Variants in DNAH3 observed in about 807,000 individuals in gnomAD.
DNAH3 encodes dynein axonemal heavy chain 3, also known as axonemal beta dynein heavy chain 3.
Under a neutral mutation model 432.5 loss-of-function variants are expected in DNAH3, and 332 were observed. The observed-to-expected ratio is 0.77, with a 90% CI of 0.70 to 0.84. DNAH3 has a LOEUF of 0.84. DNAH3 is among the 40% of genes least tolerant of loss of function. The pLI is 0.00. For synonymous variants in DNAH3, 1,956 were observed against 1,900.2 expected (o/e 1.03, Z -0.76); for missense variants, 4,861 against 5,114.0 (o/e 0.95, Z 1.51).
At chr16:21,005,448 C>A (rs1418731172) in intron 41 of DNAH3, among the ~76,000 whole-genome samples, 2 of 151,970 alleles carry the variant, frequency 1.3e-5, no homozygotes, top group South Asian at 2.1e-4. Flanking sequence ...GTGGTGCAAT[C>A]ACAATTCACT....
exon 53 of DNAH3, chr16:20,963,753 CAGG>C: frequency 6.2e-7 from 1 of 1,613,974 alleles, no homozygotes; most frequent in Non-Finnish European, 8.5e-7. Context: ...TGCCGATGGT[CAGG>C]AGGAGAGAGA....
At chr16:21,055,790 G>C (rs2090112173) in intron 27 of DNAH3, among the ~76,000 whole-genome samples, 1 of 143,492 alleles carries the variant, frequency 7.0e-6, no homozygotes, top group South Asian at 2.2e-4. Flanking sequence ...CTGTCACCTA[G>C]GCAGGAGTGC....
chr16:21,070,930 G>A, intron 21 of DNAH3, 104 bp from the exon 22 acceptor site: 2 of 721,940 alleles, frequency 2.8e-6, no homozygotes, highest in Non-Finnish European at 4.8e-6. Flanking sequence ...CCTCACCCAG[G>A]CCTGAGTGCA....
At chr16:20,984,029 G>GAAAAAAAAAAAAAAA (rs61475224) in intron 48 of DNAH3, among the ~76,000 whole-genome samples, 144 of 112,096 alleles carry the variant, frequency 1.3e-3, no homozygotes, top group African/African-American at 4.9e-3. Flanking sequence ...CCTATATCCA[G>GAAAAAAAAAAAAAAA]AAAAAAAAAA....
chr16:21,086,812 C>A (rs1269165315), intron 19 of DNAH3, 37 bp downstream of exon 19: 1 of 1,584,848 alleles, frequency 6.3e-7, no homozygotes, highest in East Asian at 2.2e-5. Flanking sequence ...CAGGCCTGGG[C>A]TGCGCTGCTT....
At chr16:20,986,320 C>T (rs1271395005) in intron 47 of DNAH3, among the ~76,000 whole-genome samples, 1 of 151,778 alleles carries the variant, frequency 6.6e-6, no homozygotes, top group East Asian at 2.0e-4. Context: ...GCCTGGGCAA[C>T]ATAGTGAGAC....
At chr16:21,031,941 A>T (rs1442303225) in intron 36 of DNAH3, among the ~76,000 whole-genome samples, 1 of 152,078 alleles carries the variant, frequency 6.6e-6, no homozygotes, top group Admixed American at 6.6e-5. Context: ...AAGCTGAGGC[A>T]GGAGAAACAC....
chr16:21,097,577 A>G (rs1347680998), intron 17 of DNAH3, 78 bp from the exon 18 acceptor site: 1 of 1,563,394 alleles, frequency 6.4e-7, no homozygotes, highest in Non-Finnish European at 8.7e-7. Flanking sequence ...CAAATTCCTC[A>G]GTGCCTTGAA....
intron 2 of DNAH3, 33 bp from the exon 4 acceptor site, chr16:21,145,439 T>C (rs191062387): frequency 2.5e-4 from 396 of 1,568,828 alleles, no homozygotes; most frequent in Non-Finnish European, 3.1e-5. Context: ...TGAGACACAA[T>C]GAGGAACATC....
chr16:21,109,509 T>C (rs903761582), intron 14 of DNAH3, among the ~76,000 whole-genome samples: 1 of 152,210 alleles, frequency 6.6e-6, no homozygotes, highest in Non-Finnish European at 1.5e-5. Flanking sequence ...GTAAAACTTA[T>C]AGTACTATAA....
upstream of DNAH3, chr16:21,159,448 A>C: frequency 6.8e-6 from 11 of 1,612,902 alleles, no homozygotes; most frequent in Non-Finnish European, 9.3e-6. Context: ...CCATCCCCCA[A>C]CCAGAGATGT....
rs758219781 is a variant in DNAH3, at chr16:21,112,107, T to C, written c.1815-9A>G. On this transcript the variant is annotated splice_polypyrimidine_tract_variant and intron_variant, in intron 12 of 61. Coordinates refer to ENST00000261383, the Ensembl canonical transcript of DNAH3. ...TGTAGACATTTAAATATCTTCCATA[T>C]TGAAGGGTGTGAAATCAAACACACA... 2 of 1,578,054 alleles carry C rather than the reference T, an allele frequency of 1.3e-6. No homozygotes were observed. The highest frequency in any genetic ancestry group is 1.7e-5 in the Admixed American group (1 of 59,114).
At chr16:20,972,972 A>G (rs66993812) in intron 51 of DNAH3, among the ~76,000 whole-genome samples, 47,533 of 151,502 alleles carry the variant, frequency 0.31, 7,737 homozygotes, top group South Asian at 0.5. Context: ...AAAGTGATGC[A>G]CCTGCCTCAG....
intron 11 of DNAH3, among the ~76,000 whole-genome samples, chr16:21,119,411 C>T (rs543540861): frequency 9.2e-4 from 140 of 151,996 alleles, no homozygotes; most frequent in Non-Finnish European, 1.7e-3. Flanking sequence ...GCAGGCAGAT[C>T]GCTTGAGCTC....
Position 20,957,808 on chromosome 16 carries a change from CAAAAAAAAAAAAAAAAAAAAAAAAAAA to C in DNAH3, c.10826+1344_10826+1370del, listed in dbSNP as rs762197650. On this transcript the variant is annotated intron_variant, in intron 54 of 61. Transcript: ENST00000261383. ...GGCAATAAGAGCGAAACTCCATCTC[CAAAAAAAAAAAAAAAAAAAAAAAAAAA>C]AAAAAAAAAAAAAAGAGAATCCCTG... Among the ~76,000 whole-genome samples the C allele has an allele frequency of 2.4e-3, 130 of 53,290 alleles. 1 individual carries two copies. The highest frequency in any genetic ancestry group is 2.9e-3 in the Non-Finnish European group (76 of 26,634). 35.0% of individuals were successfully genotyped at this position (53,290 alleles called of 152,430 possible). A position where few individuals can be genotyped will look rare whatever the true frequency, so the allele number is the denominator to read the frequency against.
intron 14 of DNAH3, among the ~76,000 whole-genome samples, chr16:21,111,394 C>A (rs1223768807): frequency 6.6e-6 from 1 of 152,190 alleles, no homozygotes; most frequent in African/African-American, 2.4e-5. Flanking sequence ...GGATCAGAGA[C>A]AAACTGCTAA....
chr16:21,012,741 G>A (rs1434559472), intron 41 of DNAH3, among the ~76,000 whole-genome samples: 1 of 152,018 alleles, frequency 6.6e-6, no homozygotes, highest in African/African-American at 2.4e-5. Context: ...AGAATGCATC[G>A]TGGGCAATAA....
In DNAH3 at chr16:20,941,559, G is replaced by T; in HGVS notation, c.11512-16C>A. 1 of 1,613,496 alleles carries T rather than the reference G, an allele frequency of 6.2e-7. No homozygotes were observed. The highest frequency in any genetic ancestry group is 8.5e-7 in the Non-Finnish European group (1 of 1,179,836). Reference sequence around the variant, plus strand: ...CAACCACTTCCTTAAAATGCAGGCAGAAGAGAGGTGAGTGAGAAGCAAGCC... The same window carrying T: ...CAACCACTTCCTTAAAATGCAGGCATAAGAGAGGTGAGTGAGAAGCAAGCC... On this transcript the variant is annotated splice_polypyrimidine_tract_variant and intron_variant, in intron 58 of 61. Coordinates refer to ENST00000261383, the Ensembl canonical transcript of DNAH3.
At chr16:20,985,535 G>A (rs1567584684) in exon 48 of DNAH3, 1 of 1,614,040 alleles carries the variant, frequency 6.2e-7, no homozygotes, top group African/African-American at 1.3e-5. Flanking sequence ...AGGGACATGG[G>A]GGCCTTGCTG....
Sources: allele counts gnomAD v4.1 joint callset (sites outside exome capture counted in the v4.1 genomes callset), GRCh38; gene constraint gnomAD v4.1.1; transcripts MANE v1.5; gene names NCBI Gene and HGNC (gene_info 2026-07-23, HGNC 2026-07-21).